The following IL13RA1 variants were observed in gnomAD, a reference collection of about 807,000 sequenced individuals.
The protein encoded by IL13RA1 is interleukin 13 receptor subunit alpha 1, also known as interleukin-13 receptor subunit alpha-1.
Under a neutral mutation model 33.8 loss-of-function variants are expected in IL13RA1, and 14 were observed. That is an observed-to-expected ratio of 0.41 (90% CI 0.27 to 0.65). The LOEUF (loss-of-function observed/expected upper bound fraction) is 0.65. Among genes scored for constraint, IL13RA1 ranks in the 30% least tolerant of loss-of-function variants. The pLI, the probability that IL13RA1 is intolerant of heterozygous loss-of-function variation, is 0.28. For synonymous variants in IL13RA1, 116 were observed against 115.7 expected (o/e 1.00, Z -0.02); for missense variants, 313 against 327.0 (o/e 0.96, Z 0.33).
intron 1 of IL13RA1, among the ~76,000 whole-genome samples, chrX:118,735,241 C>T (rs1603207068): frequency 9.1e-6 from 1 of 110,189 alleles, no homozygotes; most frequent in African/African-American, 3.3e-5. Flanking sequence ...AAGGTTTGTC[C>T]GTTTTGTTGA....
chrX:118,740,463 C>A (rs1047033644), intron 1 of IL13RA1, among the ~76,000 whole-genome samples: 1 of 112,454 alleles, frequency 8.9e-6, no homozygotes, highest in African/African-American at 3.2e-5. Context: ...CAAATTACTT[C>A]ACCTGCTTGT....
intron 1 of IL13RA1, among the ~76,000 whole-genome samples, chrX:118,734,079 C>T (rs746756673): frequency 9.0e-6 from 1 of 111,677 alleles, no homozygotes; most frequent in Admixed American, 9.5e-5. Flanking sequence ...CGTTTCAAGA[C>T]TGTTTGGCTA....
In IL13RA1 at chrX:118,791,762, C is replaced by A; in HGVS notation, c.1192C>A (p.His398Asn). 2.2e-6 allele frequency: 2 copies of A among 913,943 alleles called. No individual in the cohort carries two copies. The highest frequency in any genetic ancestry group is 3.2e-6 in the Non-Finnish European group (2 of 629,646). 75.3% of individuals were successfully genotyped at this position (913,943 alleles called of 1,213,427 possible). Residue 398 changes from histidine to asparagine, a missense_variant and splice_region_variant, in exon 11 of 11, where the codon CAC (histidine) becomes AAC (asparagine). Physicochemically the swap from His to Asn is moderately conservative, Grantham distance 68. Transcript: ENST00000371666. ...TATGTGTTTTTTTCCTCCCTTCTAG[C>A]ACTGGAAGAAGTACGACATCTATGA... ...MFGDQNDDTLHWKKYDIYEKQ... is the reference protein window; with the variant it reads ...MFGDQNDDTLNWKKYDIYEKQ...
chrX:118,799,955 A>G, the IL13RA1 span, among the ~76,000 whole-genome samples: 3 of 96,119 alleles, frequency 3.1e-5, no homozygotes, highest in African/African-American at 7.9e-5. Flanking sequence ...AAATACACCA[A>G]TCGGCACTCT....
At chrX:118,770,190 C>G in intron 8 of IL13RA1, 1 of 278,497 alleles carries the variant, frequency 3.6e-6, no homozygotes, top group Non-Finnish European at 6.9e-6. Flanking sequence ...CGCAGCTGAG[C>G]GGGCTGCCCA....
chrX:118,767,578 G>T (rs1603217275), intron 8 of IL13RA1, among the ~76,000 whole-genome samples: 3 of 111,159 alleles, frequency 2.7e-5, no homozygotes, highest in South Asian at 7.6e-4. Context: ...AATAAAATTT[G>T]CACATTGTAC....
intron 10 of IL13RA1, 116 bp from the exon 11 acceptor site, chrX:118,791,646 C>A: frequency 9.2e-5 from 26 of 283,793 alleles, no homozygotes; most frequent in East Asian, 2.3e-4. Context: ...AACAGGAAAT[C>A]ATACCCCTAC....
intron 4 of IL13RA1, among the ~76,000 whole-genome samples, chrX:118,750,988 G>A (rs1263876817): frequency 9.0e-6 from 1 of 110,758 alleles, no homozygotes; most frequent in Non-Finnish European, 1.9e-5. Flanking sequence ...TGTATTTTTG[G>A]TAGAAACAGG....
intron 10 of IL13RA1, among the ~76,000 whole-genome samples, chrX:118,784,090 A>ATATATATATATATATATAT (rs1200223891): frequency 6.3e-5 from 4 of 63,957 alleles, no homozygotes; most frequent in South Asian, 8.3e-4. Context: ...AAAAAAAAAA[A>ATATATATATATATATATAT]ATATATATAT....
At chrX:118,730,769 AC>A (rs909984569) in intron 1 of IL13RA1, among the ~76,000 whole-genome samples, 5 of 111,593 alleles carry the variant, frequency 4.5e-5, no homozygotes, top group African/African-American at 6.5e-5. Context: ...TGTGCTGCGA[AC>A]CCTTCCTGTC....
Position 118,727,626 on chromosome X carries a change from G to A in IL13RA1, c.-13G>A. On this transcript the variant is annotated 5_prime_UTR_variant, in exon 1 of 11. Coordinates refer to ENST00000371666, the MANE Select transcript of IL13RA1 (RefSeq NM_001560.3). ...AGGCTCCAGCCCGGCCGGGCTCCGA[G>A]GCGAGAGGCTGCATGGAGTGGCCGG... is the stretch of plus-strand genomic sequence containing the variant. 1.1e-6 allele frequency: 1 copy of A among 917,967 alleles called. No individual in the cohort carries two copies. The highest frequency in any genetic ancestry group is 1.4e-6 in the Non-Finnish European group (1 of 737,405). The allele number at this position is 917,967 out of a possible 1,213,427, so 75.7% of individuals were successfully genotyped here.
chrX:118,729,412 T>C (rs759120607), intron 1 of IL13RA1, among the ~76,000 whole-genome samples: 3 of 112,352 alleles, frequency 2.7e-5, no homozygotes, highest in Non-Finnish European at 5.6e-5. Context: ...ATGTTTCCAG[T>C]GAGACTTGAG....
At chrX:118,730,116 A>G (rs1223238006) in intron 1 of IL13RA1, among the ~76,000 whole-genome samples, 1 of 112,026 alleles carries the variant, frequency 8.9e-6, no homozygotes, top group Non-Finnish European at 1.9e-5. Context: ...CCTGGCCAAC[A>G]TGGCAAAACC....
chrX:118,743,697 G>A (rs1156651153), intron 2 of IL13RA1, among the ~76,000 whole-genome samples: 1 of 111,891 alleles, frequency 8.9e-6, no homozygotes, highest in Non-Finnish European at 1.9e-5. Context: ...GGTCTGGGGA[G>A]ATCAGTTCAG....
rs183896683 is a variant in IL13RA1 at position 118,752,537 on chromosome X, C to T, written c.488+2759C>T. On this transcript the variant is annotated intron_variant, in intron 4 of 10. Coordinates refer to ENST00000371666, the MANE Select transcript of IL13RA1 (RefSeq NM_001560.3). ...CCTTCCTTGACCTCTCAAGTCTAGA[C>T]ATGTGTCCCTTCCTCTTGTCTCACG... Among the ~76,000 whole-genome samples, 3 of 112,061 alleles carry T rather than the reference C, an allele frequency of 2.7e-5. No individual in the cohort carries two copies. The East Asian group carries it at 8.4e-4, about 31-fold the overall frequency.
Position 118,732,520 on chromosome X carries a change from A to G in IL13RA1, c.88+4794A>G, listed in dbSNP as rs960615290. ...CTGCACCCATTAACTCGTCATTTACATTAGGTATATCTCCTAATGCTATCC... is the reference window on the plus strand; with the variant it reads ...CTGCACCCATTAACTCGTCATTTACGTTAGGTATATCTCCTAATGCTATCC... On this transcript the variant is annotated intron_variant, in intron 1 of 10. Coordinates refer to ENST00000371666, the MANE Select transcript of IL13RA1 (RefSeq NM_001560.3). Among the ~76,000 whole-genome samples, 20 of 110,456 alleles carry G rather than the reference A, an allele frequency of 1.8e-4. No homozygotes were observed. In the East Asian group the frequency reaches 5.4e-3, roughly 30 times the overall value.
At chrX:118,796,537 G>A (rs1220363805), downstream of IL13RA1, among the ~76,000 whole-genome samples, 2 of 111,796 alleles carry the variant, frequency 1.8e-5, no homozygotes, top group African/African-American at 6.5e-5. Context: ...CATCTTTTTT[G>A]TTTTGTTTTG....
chrX:118,742,754 G>A (rs1438021530), intron 2 of IL13RA1, among the ~76,000 whole-genome samples: 6 of 110,970 alleles, frequency 5.4e-5, no homozygotes, highest in Admixed American at 1.9e-4. Context: ...TTGTTTTGGC[G>A]GGGGGCGGGT....
chrX:118,786,718 G>A (rs754877504), intron 10 of IL13RA1, among the ~76,000 whole-genome samples: 2 of 111,072 alleles, frequency 1.8e-5, no homozygotes, highest in African/African-American at 3.3e-5. Flanking sequence ...CTTTTTTGTC[G>A]CTCTTGTCCC....
Sources: allele counts gnomAD v4.1 joint callset (sites outside exome capture counted in the v4.1 genomes callset), GRCh38; gene constraint gnomAD v4.1.1; transcripts MANE v1.5; gene names NCBI Gene and HGNC (gene_info 2026-07-23, HGNC 2026-07-21).